The following ZNF236 variants were observed in gnomAD, a reference collection of about 807,000 sequenced individuals.
ZNF236 encodes zinc finger protein 236.
A neutral mutation model predicts 191.2 loss-of-function variants in ZNF236; 50 were observed. That is an observed-to-expected ratio of 0.26 (90% CI 0.21 to 0.33). The LOEUF is 0.33. ZNF236 is among the 10% of genes least tolerant of loss of function. ZNF236 has a pLI of 1.00. For missense variants in ZNF236, 1,754 were observed against 2,374.5 expected (o/e 0.74, Z 5.43); for synonymous variants, 907 against 928.8 (o/e 0.98, Z 0.43).
chr18:76,907,696 C>CTT (rs56268678), intron 13 of ZNF236, among the ~76,000 whole-genome samples: 82 of 141,192 alleles, frequency 5.8e-4, no homozygotes, highest in Admixed American at 3.5e-3. Flanking sequence ...AGATTTTTTT[C>CTT]TTTTTTTTTT....
chr18:76,932,866 G>A (rs1351895981), intron 25 of ZNF236, among the ~76,000 whole-genome samples: 1 of 152,234 alleles, frequency 6.6e-6, no homozygotes, highest in Non-Finnish European at 1.5e-5. Flanking sequence ...GGGAGAAGTT[G>A]GATGGAATGA....
At chr18:76,887,258 C>T (rs565008252) in intron 9 of ZNF236, among the ~76,000 whole-genome samples, 7 of 151,880 alleles carry the variant, frequency 4.6e-5, no homozygotes, top group Non-Finnish European at 1.0e-4. Context: ...TGTAGTCCCA[C>T]CTACTCGGGA....
In ZNF236 at chr18:76,925,178, G is replaced by C; in HGVS notation, c.3662-11G>C. 2 of 1,607,484 alleles carry C rather than the reference G, an allele frequency of 1.2e-6. No homozygotes were observed. Among genetic ancestry groups the C allele is most frequent in the Non-Finnish European group, 1.7e-6 (2 of 1,175,692 alleles). Reference sequence around the variant, plus strand: ...ATCGCCTCTGTTGATTCTTGGCTGGGCTTTTCACAGGTCAGAAGCTCTTCA... The same window carrying C: ...ATCGCCTCTGTTGATTCTTGGCTGGCCTTTTCACAGGTCAGAAGCTCTTCA... On this transcript the variant is annotated splice_polypyrimidine_tract_variant and intron_variant, in intron 21 of 30. Coordinates refer to ENST00000320610, the MANE Select transcript of ZNF236 (RefSeq NM_001306089.2). The surrounding 1 kb of genome is among the most constrained non-coding windows in gnomAD (Gnocchi z 5.7).
chr18:76,889,267 T>G (rs1977156934), intron 9 of ZNF236, among the ~76,000 whole-genome samples: 2 of 152,200 alleles, frequency 1.3e-5, no homozygotes, highest in Admixed American at 6.5e-5. Flanking sequence ...ATGGAAGTAA[T>G]CAGCATTGTC....
At chr18:76,838,050 A>G (rs1249664353) in intron 1 of ZNF236, among the ~76,000 whole-genome samples, 1 of 152,226 alleles carries the variant, frequency 6.6e-6, no homozygotes, top group African/African-American at 2.4e-5. Context: ...ATTTTTAGGA[A>G]ATACATACCT....
chr18:76,861,989 G>A (rs372128689), intron 3 of ZNF236, among the ~76,000 whole-genome samples: 4 of 152,130 alleles, frequency 2.6e-5, no homozygotes, highest in East Asian at 1.9e-4. Context: ...TCAGCCTCCC[G>A]AGTAGCTGGG....
chr18:76,883,980 T>C (rs907317063), intron 9 of ZNF236, among the ~76,000 whole-genome samples: 1 of 152,234 alleles, frequency 6.6e-6, no homozygotes, highest in Non-Finnish European at 1.5e-5. Context: ...ATTTATTCAC[T>C]TTTATCAGAG....
At chr18:76,829,114 TAA>T (rs1484645162) in intron 1 of ZNF236, among the ~76,000 whole-genome samples, 3 of 152,360 alleles carry the variant, frequency 2.0e-5, no homozygotes, top group African/African-American at 7.2e-5. Context: ...CCTTATTAGA[TAA>T]AGTCAATTCC....
chr18:76,883,878 T>A (rs912331098), intron 9 of ZNF236, among the ~76,000 whole-genome samples: 1 of 152,222 alleles, frequency 6.6e-6, no homozygotes, highest in Non-Finnish European at 1.5e-5. Flanking sequence ...AAACTATTCT[T>A]GTCTCGTAAG....
chr18:76,959,571 G>A lies in ZNF236; in HGVS notation c.5113-116G>A, dbSNP rs941370549. ...CCTTAAGAACACAAATCACAGATTA[G>A]CCTTTGATTTTGTCCTTGCCACTGA... On this transcript the variant is annotated intron_variant, in intron 28 of 30. Coordinates refer to ENST00000320610, the MANE Select transcript of ZNF236 (RefSeq NM_001306089.2). 1.1e-5 allele frequency: 13 copies of A among 1,222,924 alleles called. No homozygotes were observed. The African/African-American group carries it at 2.0e-4, about 18-fold the overall frequency. 75.8% of individuals were successfully genotyped at this position (1,222,924 alleles called of 1,614,324 possible). A position where few individuals can be genotyped will look rare whatever the true frequency, so the allele number is the denominator to read the frequency against.
chr18:76,849,653 C>T lies in ZNF236; in HGVS notation c.183C>T (p.His61=), dbSNP rs371923352. 7.0e-5 allele frequency: 111 copies of T among 1,583,450 alleles called. 1 individual carries two copies. The highest frequency in any genetic ancestry group is 3.5e-4 in the East Asian group (15 of 43,380). Residue 61 remains histidine (H), a synonymous_variant, in exon 2 of 31, where the codon CAC becomes CAT. Coordinates refer to ENST00000320610, the MANE Select transcript of ZNF236 (RefSeq NM_001306089.2). ...AGTTTCAACGCCACATGAGGGATCA[C>T]GAGCGAAATGACAAGGTATGTATTT... ...ESQFQRHMRD[H]ERNDKPHRCD...
intron 9 of ZNF236, among the ~76,000 whole-genome samples, chr18:76,881,931 C>A (rs1300127302): frequency 6.6e-6 from 1 of 152,086 alleles, no homozygotes; most frequent in Non-Finnish European, 1.5e-5. Context: ...CTGACTAGTC[C>A]TTTCCTCTTC....
rs1490755423 is a variant in ZNF236, at chr18:76,951,786, G to A, written c.4914+4134G>A. The stretch of plus-strand genomic sequence containing the variant: ...GCTCTCTGCGTGCCTTCCTCATTAA[G>A]CTTAATCATTTCTAGGTTTTGAAGT... On this transcript the variant is annotated intron_variant, in intron 27 of 30. Coordinates refer to ENST00000320610, the MANE Select transcript of ZNF236 (RefSeq NM_001306089.2). Among the ~76,000 whole-genome samples the A allele has an allele frequency of 2.0e-5, 3 of 152,202 alleles. No homozygotes were observed. In the South Asian group the frequency reaches 6.2e-4, roughly 31 times the overall value.
intron 19 of ZNF236, among the ~76,000 whole-genome samples, chr18:76,917,159 A>G (rs983433137): frequency 4.6e-5 from 7 of 152,140 alleles, no homozygotes; most frequent in African/African-American, 1.2e-4. Context: ...GATAGTTCAA[A>G]CTCTTTAATC....
Position 76,925,622 on chromosome 18 carries a change from TC to T in ZNF236, c.4027+71del. On this transcript the variant is annotated intron_variant, in intron 22 of 30. Coordinates refer to ENST00000320610, the MANE Select transcript of ZNF236 (RefSeq NM_001306089.2). This position sits in a 1 kb window ranked among gnomAD's most constrained non-coding sequence, Gnocchi z 5.7. Reference sequence around the variant, plus strand: ...ACTGTTCTGTGCTGCTTCTGTCTGTTCCCACGACAGAAGAGATGTTGTTTAC... The same window carrying T: ...ACTGTTCTGTGCTGCTTCTGTCTGTTCCACGACAGAAGAGATGTTGTTTAC... 1 of 1,543,460 alleles carries T rather than the reference TC, an allele frequency of 6.5e-7. No individual in the cohort carries two copies. The highest frequency in any genetic ancestry group is 8.7e-7 in the Non-Finnish European group (1 of 1,146,176).
chr18:76,891,226 G>T (rs1977222598), intron 9 of ZNF236, among the ~76,000 whole-genome samples: 1 of 152,076 alleles, frequency 6.6e-6, no homozygotes, highest in Non-Finnish European at 1.5e-5. Context: ...GCCTTTTTGA[G>T]CTGAAAAACT....
At chr18:76,865,087 A>G (rs1204783268) in intron 3 of ZNF236, among the ~76,000 whole-genome samples, 1 of 152,234 alleles carries the variant, frequency 6.6e-6, no homozygotes, top group African/African-American at 2.4e-5. Context: ...CTGTAATCCC[A>G]GCACTTTGGG....
intron 20 of ZNF236, among the ~76,000 whole-genome samples, chr18:76,920,443 C>T (rs531844990): frequency 4.6e-5 from 7 of 151,054 alleles, no homozygotes; most frequent in Admixed American, 6.6e-5. Context: ...CCCAGCTACT[C>T]GGGAGCCTGA....
chr18:76,911,953 A>G (rs1361583089), intron 16 of ZNF236, among the ~76,000 whole-genome samples: 3 of 152,326 alleles, frequency 2.0e-5, no homozygotes, highest in Middle Eastern at 3.4e-3. Context: ...AGTAGAGCAG[A>G]TGAAAGAGGA....
Sources: allele counts gnomAD v4.1 joint callset (sites outside exome capture counted in the v4.1 genomes callset), GRCh38; gene constraint gnomAD v4.1.1; non-coding constraint Gnocchi (gnomAD v3.1); transcripts MANE v1.5; gene names NCBI Gene and HGNC (gene_info 2026-07-23, HGNC 2026-07-21).